The following PCDHGA5 variants were observed in gnomAD, a reference collection of about 807,000 sequenced individuals.
PCDHGA5 encodes the protein protocadherin gamma subfamily A, 5.
Under a neutral mutation model 56.7 loss-of-function variants are expected in PCDHGA5, and 36 were observed. That is an observed-to-expected ratio of 0.64 (90% CI 0.49 to 0.84). The LOEUF (loss-of-function observed/expected upper bound fraction) is 0.84, where lower values mean the gene tolerates loss of function less well. Ranked by LOEUF, PCDHGA5 falls within the 40% of genes least tolerant of loss-of-function variation. The probability of loss-of-function intolerance (pLI) is 0.00; values close to 1 mark genes in which losing one functional copy is unlikely to be tolerated. For synonymous variants in PCDHGA5, 563 were observed against 520.2 expected (o/e 1.08, Z -1.12); for missense variants, 1,305 against 1,201.5 (o/e 1.09, Z -1.27).
chr5:141,417,034 T>C (rs1408752235), intron 1 of PCDHGA5: 1 of 151,548 alleles, frequency 6.6e-6, no homozygotes, highest in Non-Finnish European at 1.5e-5. Context: ...ACAGGTTTTT[T>C]TTTTAAAAAA....
In PCDHGA5 at chr5:141,431,243, A is replaced by G; in HGVS notation, c.2422-63564A>G. 1 of 1,614,154 alleles carries G rather than the reference A, an allele frequency of 6.2e-7. No homozygotes were observed. Among genetic ancestry groups the G allele is most frequent in the Non-Finnish European group, 8.5e-7 (1 of 1,180,034 alleles). ...TCTACCCCACGCCTGGGATCCGGAT[A>G]TCGGGAAGAACTCTCTGCAGAGCTA... On this transcript the variant is annotated intron_variant, in intron 1 of 3. Coordinates refer to ENST00000518069, the MANE Select transcript of PCDHGA5 (RefSeq NM_018918.3). This position sits in a 1 kb window ranked among gnomAD's most constrained non-coding sequence, Gnocchi z 4.8.
intron 1 of PCDHGA5, chr5:141,396,086 G>T (rs2093341467): frequency 6.6e-6 from 1 of 152,152 alleles, no homozygotes; most frequent in Non-Finnish European, 1.5e-5. Flanking sequence ...GATGTGAAGT[G>T]GTGAGAATGT....
In PCDHGA5 at chr5:141,431,841, C is replaced by T; in HGVS notation, c.2422-62966C>T. The T allele has an allele frequency of 6.2e-7, 1 of 1,614,246 alleles. No homozygotes were observed. Among genetic ancestry groups the T allele is most frequent in the Non-Finnish European group, 8.5e-7 (1 of 1,180,044 alleles). ...GCCAGCTCGGTTCCCGAAAACTCTC[C>T]CAGAGGGACATTAATTGCCCTTTTA... On this transcript the variant is annotated intron_variant, in intron 1 of 3. Coordinates refer to ENST00000518069, the MANE Select transcript of PCDHGA5 (RefSeq NM_018918.3). The surrounding 1 kb of genome is among the most constrained non-coding windows in gnomAD (Gnocchi z 4.8).
rs78612001 is a variant in PCDHGA5 at position 141,432,435 on chromosome 5, C to A, written c.2422-62372C>A. ...TTCGTGCTGGACCAGAACGACAATG[C>A]GCCCGAGATCCTGTACCCCGCCCTC... On this transcript the variant is annotated intron_variant, in intron 1 of 3. Coordinates refer to ENST00000518069, the MANE Select transcript of PCDHGA5 (RefSeq NM_018918.3). The surrounding 1 kb of genome is among the most constrained non-coding windows in gnomAD (Gnocchi z 6.0). The A allele has an allele frequency of 0.027, 43,228 of 1,614,212 alleles. 830 individuals are homozygous for A. The highest frequency in any genetic ancestry group is 0.092 in the African/African-American group (6,903 of 75,054).
In PCDHGA5 at chr5:141,489,574, C is replaced by T. The variant is rs963768096; in HGVS notation, c.2422-5233C>T. The T allele has an allele frequency of 2.5e-6, 4 of 1,613,978 alleles. No homozygotes were observed. The highest frequency in any genetic ancestry group is 3.4e-6 in the Non-Finnish European group (4 of 1,180,014). ...GCTGCCAGTGCAGGTGGTGACTGAA[C>T]ACCCCCTGGAGCTAATCCGTGTAGA... On this transcript the variant is annotated intron_variant, in intron 1 of 3. Coordinates refer to ENST00000518069, the MANE Select transcript of PCDHGA5 (RefSeq NM_018918.3). This position sits in a 1 kb window ranked among gnomAD's most constrained non-coding sequence, Gnocchi z 4.5.
Position 141,414,298 on chromosome 5 carries a change from G to A in PCDHGA5, c.2421+47547G>A, listed in dbSNP as rs200349573. ...GGGAACAGTCGTAGCCCTTTTAAAT[G>A]TGCATGATTTAGACTCTGAGCAGAA... On this transcript the variant is annotated intron_variant, in intron 1 of 3. Transcript: ENST00000518069. The A allele has an allele frequency of 1.9e-5, 30 of 1,613,626 alleles. No homozygotes were observed. In the East Asian group the frequency reaches 6.7e-4, roughly 36 times the overall value.
At chr5:141,372,078 G>C in intron 1 of PCDHGA5, 1 of 1,613,738 alleles carries the variant, frequency 6.2e-7, no homozygotes. Context: ...TGCACCGCTG[G>C]TGCTGTACCC....
chr5:141,457,809 C>A (rs1404645915), intron 1 of PCDHGA5, among the ~76,000 whole-genome samples: 1 of 152,180 alleles, frequency 6.6e-6, no homozygotes, highest in Non-Finnish European at 1.5e-5. Flanking sequence ...CTCTTGAGGT[C>A]CCAAGATAAA....
At chr5:141,447,230 C>G (rs1309076828) in intron 1 of PCDHGA5, among the ~76,000 whole-genome samples, 1 of 152,132 alleles carries the variant, frequency 6.6e-6, no homozygotes, top group Non-Finnish European at 1.5e-5. Flanking sequence ...ACCTCCGCCT[C>G]CCGGGTTCAA....
chr5:141,393,752 AT>A, intron 1 of PCDHGA5: 1 of 1,613,942 alleles, frequency 6.2e-7, no homozygotes, highest in Non-Finnish European at 8.5e-7. Flanking sequence ...AAGAATGTTC[AT>A]TTTATGAAAT....
intron 1 of PCDHGA5, chr5:141,478,628 T>G (rs1245431927): frequency 6.4e-7 from 1 of 1,553,704 alleles, no homozygotes; most frequent in African/African-American, 1.4e-5. Context: ...GAGCTGTTTT[T>G]TTAGTGATGA....
rs548016343 is a variant in PCDHGA5, at chr5:141,369,768, A to G, written c.2421+3017A>G. Among the ~76,000 whole-genome samples the G allele has an allele frequency of 7.2e-5, 11 of 152,370 alleles. No individual in the cohort carries two copies. The East Asian group carries it at 1.9e-3, about 27-fold the overall frequency. ...TGCAATAAGAATACACGTGAAGCTG[A>G]TATTTCAAGCCTCTTTATACTACGT... is the stretch of plus-strand genomic sequence containing the variant. On this transcript the variant is annotated intron_variant, in intron 1 of 3. Coordinates refer to ENST00000518069, the MANE Select transcript of PCDHGA5 (RefSeq NM_018918.3).
In PCDHGA5 at chr5:141,477,854, C is replaced by G; in HGVS notation, c.2422-16953C>G. 3.1e-6 allele frequency: 5 copies of G among 1,614,098 alleles called. No individual in the cohort carries two copies. Among genetic ancestry groups the G allele is most frequent in the Non-Finnish European group, 4.2e-6 (5 of 1,180,004 alleles). ...GCCAGGTGGGAGCTCGGTGGAGATG[C>G]TGCCTCGAGGTACCTCAGCTGGCCA... On this transcript the variant is annotated intron_variant, in intron 1 of 3. Transcript: ENST00000518069. This position sits in a 1 kb window ranked among gnomAD's most constrained non-coding sequence, Gnocchi z 4.9.
intron 1 of PCDHGA5, chr5:141,378,833 C>T (rs1224132304): frequency 6.6e-6 from 1 of 152,128 alleles, no homozygotes; most frequent in East Asian, 1.9e-4. Context: ...GAACAGAAAA[C>T]AGCAGAGTTT....
At chr5:141,510,139 G>T (rs931012964) in intron 3 of PCDHGA5, among the ~76,000 whole-genome samples, 1 of 152,136 alleles carries the variant, frequency 6.6e-6, no homozygotes, top group Non-Finnish European at 1.5e-5. Context: ...CTGGGCTAGT[G>T]GTGTGCACCT....
intron 1 of PCDHGA5, chr5:141,440,369 G>A (rs2098171994): frequency 6.6e-6 from 1 of 152,156 alleles, no homozygotes; most frequent in African/African-American, 2.4e-5. Context: ...GGGGGGCCGA[G>A]GCAGGAGAAT....
chr5:141,484,333 A>T (rs1019527273), intron 1 of PCDHGA5, among the ~76,000 whole-genome samples: 2 of 152,198 alleles, frequency 1.3e-5, no homozygotes, highest in Non-Finnish European at 2.9e-5. Flanking sequence ...CCTTGAAATC[A>T]ATGAATGGTA....
chr5:141,446,088 T>C (rs2098487177), intron 1 of PCDHGA5, among the ~76,000 whole-genome samples: 1 of 152,100 alleles, frequency 6.6e-6, no homozygotes, highest in African/African-American at 2.4e-5. Flanking sequence ...TAGAAATAAA[T>C]GGATGAATTA....
intron 1 of PCDHGA5, chr5:141,387,617 T>C (rs1169967462): frequency 3.5e-6 from 2 of 570,390 alleles, no homozygotes; most frequent in African/African-American, 3.8e-5. Context: ...AGTTTCCTAG[T>C]GCTGACTCTG....
Sources: allele counts gnomAD v4.1 joint callset (sites outside exome capture counted in the v4.1 genomes callset), GRCh38; gene constraint gnomAD v4.1.1; non-coding constraint Gnocchi (gnomAD v3.1); transcripts MANE v1.5; gene names NCBI Gene and HGNC (gene_info 2026-07-23, HGNC 2026-07-21).